SLC4A7: variants seen among roughly 807,000 people sequenced by gnomAD.
The protein encoded by SLC4A7 is solute carrier family 4 member 7.
SLC4A7 carries 51 observed loss-of-function variants against 137.6 expected under a neutral mutation model. The ratio of observed to expected loss-of-function variants is 0.37; its 90% CI spans 0.30 to 0.47. SLC4A7 has a LOEUF of 0.47. Among genes scored for constraint, SLC4A7 ranks in the 20% least tolerant of loss-of-function variants. The pLI, the probability that SLC4A7 is intolerant of heterozygous loss-of-function variation, is 1.00. For synonymous variants in SLC4A7, 542 were observed against 518.6 expected (o/e 1.05, Z -0.61); for missense variants, 1,247 against 1,525.4 (o/e 0.82, Z 3.04).
At chr3:27,457,198 A>G (rs2058460210) in intron 1 of SLC4A7, among the ~76,000 whole-genome samples, 1 of 152,184 alleles carries the variant, frequency 6.6e-6, no homozygotes, top group Non-Finnish European at 1.5e-5. Flanking sequence ...ATAAGTTACC[A>G]CATCAGGATT....
At chr3:27,445,244 C>A (rs1418901128) in intron 3 of SLC4A7, among the ~76,000 whole-genome samples, 1 of 152,166 alleles carries the variant, frequency 6.6e-6, no homozygotes, top group East Asian at 1.9e-4. Flanking sequence ...CAAAAGGATC[C>A]TTTTTCAGAT....
chr3:27,471,081 T>C (rs891556896), intron 1 of SLC4A7, among the ~76,000 whole-genome samples: 1 of 152,222 alleles, frequency 6.6e-6, no homozygotes, highest in African/African-American at 2.4e-5. Flanking sequence ...CCTCTTTACA[T>C]GTCATGTATG....
intron 1 of SLC4A7, among the ~76,000 whole-genome samples, chr3:27,474,154 A>C (rs970641026): frequency 2.0e-5 from 3 of 152,200 alleles, no homozygotes; most frequent in Non-Finnish European, 4.4e-5. Flanking sequence ...TCTCATCAAA[A>C]CAGAATTAAG....
Position 27,431,408 on chromosome 3 carries a change from G to A in SLC4A7, c.1040C>T (p.Pro347Leu). ...TACTGTGGGAATATCATCACTGGCA[G>A]GTGAAACCAGTAGTTCTGGGGCCTG... ...QRQAPELLVS[P>L]ASDDIPTVVI... Residue 347 changes from proline to leucine, a missense_variant, in exon 7 of 26, where the codon CCT becomes CTT. Pro to Leu is a moderately conservative substitution (Grantham distance 98). Transcript: ENST00000454389. 1 of 1,614,120 alleles carries A rather than the reference G, an allele frequency of 6.2e-7. No homozygotes were observed. Among genetic ancestry groups the A allele is most frequent in the Non-Finnish European group, 8.5e-7 (1 of 1,179,970 alleles).
intron 22 of SLC4A7, among the ~76,000 whole-genome samples, chr3:27,387,644 A>T (rs567887406): frequency 5.4e-4 from 83 of 152,344 alleles, no homozygotes; most frequent in Non-Finnish European, 9.4e-4. Context: ...TAATACTGTT[A>T]TTGATTGAAT....
rs1390244186 is a variant in SLC4A7, at chr3:27,437,302, G to GATCGCACC, written c.428+78_428+85dup. On this transcript the variant is annotated intron_variant, in intron 4 of 25. Coordinates refer to ENST00000454389, the MANE Select transcript of SLC4A7 (RefSeq NM_001321103.2). The stretch of plus-strand genomic sequence containing the variant: ...GGAGGCAGAAGTTGCAGTGAGCCCA[G>GATCGCACC]ATCGCACCATCGCACTCCAGCCTGG... 5.0e-6 allele frequency: 4 copies of GATCGCACC among 801,350 alleles called. No individual in the cohort carries two copies. In the East Asian group the frequency reaches 1.2e-4, roughly 25 times the overall value. The allele number at this position is 801,350 out of a possible 1,614,324, so 49.6% of individuals were successfully genotyped here.
chr3:27,479,076 G>A (rs1324224312), intron 1 of SLC4A7, among the ~76,000 whole-genome samples: 1 of 151,762 alleles, frequency 6.6e-6, no homozygotes, highest in Non-Finnish European at 1.5e-5. Context: ...CAGATAAAAT[G>A]CAAATCTATA....
At chr3:27,395,218 G>T in intron 18 of SLC4A7, 103 bp from the exon 19 acceptor site, 1 of 700,644 alleles carries the variant, frequency 1.4e-6, no homozygotes, top group Non-Finnish European at 2.2e-6. Flanking sequence ...CCAACGAATG[G>T]GAAATAACTT....
chr3:27,467,589 A>G (rs17019809), intron 1 of SLC4A7, among the ~76,000 whole-genome samples: 33,280 of 152,192 alleles, frequency 0.22, 3,740 homozygotes, highest in Non-Finnish European at 0.25. Context: ...CCCGTAAAAC[A>G]AATGGAAACC....
At chr3:27,377,740 C>T (rs2050037059) in intron 25 of SLC4A7, among the ~76,000 whole-genome samples, 2 of 152,144 alleles carry the variant, frequency 1.3e-5, no homozygotes, top group South Asian at 4.1e-4. Flanking sequence ...ACTCCACATA[C>T]ATGGATTTAA....
intron 11 of SLC4A7, among the ~76,000 whole-genome samples, chr3:27,417,884 A>G (rs1351235089): frequency 2.0e-5 from 3 of 152,204 alleles, no homozygotes; most frequent in African/African-American, 7.2e-5. Context: ...AGGCCCTTTC[A>G]TACATCACTG....
Position 27,437,379 on chromosome 3 carries a change from C to A in SLC4A7, c.428+9G>T. The A allele has an allele frequency of 1.3e-6, 2 of 1,543,642 alleles. No individual in the cohort carries two copies. Among genetic ancestry groups the A allele is most frequent in the Non-Finnish European group, 8.7e-7 (1 of 1,149,482 alleles). On this transcript the variant is annotated intron_variant, in intron 4 of 25. Coordinates refer to ENST00000454389, the MANE Select transcript of SLC4A7 (RefSeq NM_001321103.2). ...AAAAAAAAAAGAGAGAGAGACTTAG[C>A]AGTATTACCTAGCAGTTTCTTTCCA... is the stretch of plus-strand genomic sequence containing the variant.
At chr3:27,417,629 C>G (rs1195871450) in intron 11 of SLC4A7, among the ~76,000 whole-genome samples, 10 of 152,084 alleles carry the variant, frequency 6.6e-5, no homozygotes, top group Admixed American at 6.6e-4. Context: ...TAGTGCACAC[C>G]TGTGGTCCAG....
At position 27,381,873 on chromosome 3, in the gene SLC4A7, G is replaced by C. The variant is rs561770142; in HGVS notation, c.3590+1280C>G. Among the ~76,000 whole-genome samples the C allele has an allele frequency of 2.6e-4, 40 of 152,202 alleles. 1 individual carries two copies. The East Asian group carries it at 7.8e-3, about 30-fold the overall frequency. ...GGCCAAGGCAGGCGGATCACCTGAG[G>C]GCAGGAGTTTGAGATGACCATTGTG... On this transcript the variant is annotated intron_variant, in intron 24 of 25. Transcript: ENST00000454389.
intron 2 of SLC4A7, among the ~76,000 whole-genome samples, chr3:27,452,045 C>G (rs987077168): frequency 6.6e-6 from 1 of 152,162 alleles, no homozygotes; most frequent in Middle Eastern, 3.4e-3. Flanking sequence ...AATGTAACAC[C>G]TATAAAATGA....
intron 3 of SLC4A7, among the ~76,000 whole-genome samples, chr3:27,446,194 T>C (rs2057621559): frequency 6.6e-6 from 1 of 151,262 alleles, no homozygotes; most frequent in African/African-American, 2.4e-5. Flanking sequence ...TAATTATACC[T>C]CAATAAAGCT....
intron 12 of SLC4A7, among the ~76,000 whole-genome samples, chr3:27,409,880 A>G (rs2053739070): frequency 6.6e-6 from 1 of 152,224 alleles, no homozygotes; most frequent in African/African-American, 2.4e-5. Flanking sequence ...AATGTGCATA[A>G]GCAATTCTAT....
intron 15 of SLC4A7, among the ~76,000 whole-genome samples, chr3:27,401,476 G>C (rs1362168330): frequency 6.6e-6 from 1 of 152,112 alleles, no homozygotes; most frequent in Non-Finnish European, 1.5e-5. Context: ...TTTAAATACG[G>C]ACTTAAAAGA....
intron 24 of SLC4A7, among the ~76,000 whole-genome samples, chr3:27,381,532 A>G (rs951976836): frequency 7.0e-6 from 1 of 143,028 alleles, no homozygotes; most frequent in Non-Finnish European, 1.5e-5. Context: ...TGAGGGAAAC[A>G]TTAATACAGA....
Sources: allele counts gnomAD v4.1 joint callset (sites outside exome capture counted in the v4.1 genomes callset), GRCh38; gene constraint gnomAD v4.1.1; transcripts MANE v1.5; gene names NCBI Gene and HGNC (gene_info 2026-07-23, HGNC 2026-07-21).